Variants in SRRM3 observed in about 807,000 individuals in gnomAD.
SRRM3 encodes the protein serine/arginine repetitive matrix protein 3.
Under a neutral mutation model 66.2 loss-of-function variants are expected in SRRM3, and 27 were observed. That is an observed-to-expected ratio of 0.41 (90% CI 0.30 to 0.56). The LOEUF (loss-of-function observed/expected upper bound fraction) is 0.56. SRRM3 is among the 20% of genes least tolerant of loss of function. The pLI, the probability that SRRM3 is intolerant of heterozygous loss-of-function variation, is 0.32. For synonymous variants in SRRM3, 391 were observed against 414.9 expected (o/e 0.94, Z 0.70); for missense variants, 918 against 991.9 (o/e 0.93, Z 1.00).
In SRRM3 at chr7:76,282,887, G is replaced by A. The variant is rs574283394; in HGVS notation, c.1595+15G>A. On this transcript the variant is annotated intron_variant, in intron 13 of 14. Coordinates refer to ENST00000611745, the MANE Select transcript of SRRM3 (RefSeq NM_001110199.3). The stretch of plus-strand genomic sequence containing the variant: ...CCCCTCAGCCGGTGAGTGCCCGCCC[G>A]GACCGGGCCGACGGGGCGGGCGGCG... 3.0e-6 allele frequency: 4 copies of A among 1,339,326 alleles called. No individual in the cohort carries two copies. The highest frequency in any genetic ancestry group is 1.5e-5 in the African/African-American group (1 of 64,858). 83.0% of individuals were successfully genotyped at this position (1,339,326 alleles called of 1,614,324 possible).
Position 76,265,481 on chromosome 7 carries a change from C to T in SRRM3, c.830+13C>T, listed in dbSNP as rs1175092156. 1 of 1,588,612 alleles carries T rather than the reference C, an allele frequency of 6.3e-7. No homozygotes were observed. The highest frequency in any genetic ancestry group is 8.6e-7 in the Non-Finnish European group (1 of 1,165,002). On this transcript the variant is annotated intron_variant, in intron 10 of 14. Coordinates refer to ENST00000611745, the MANE Select transcript of SRRM3 (RefSeq NM_001110199.3). ...GATCTCCCAGCAGGTAGGCCTGGGC[C>T]TCTGGGAGGCTTTCTCCTGGTGGGG... is the stretch of plus-strand genomic sequence containing the variant.
At chr7:76,251,653 C>A (rs543202438) in intron 3 of SRRM3, among the ~76,000 whole-genome samples, 2 of 152,082 alleles carry the variant, frequency 1.3e-5, no homozygotes, top group East Asian at 3.9e-4. Context: ...GGATTACAGG[C>A]GTGAGCCACC....
At chr7:76,219,123 C>T (rs145358392) in intron 1 of SRRM3, among the ~76,000 whole-genome samples, 4 of 152,346 alleles carry the variant, frequency 2.6e-5, no homozygotes, top group African/African-American at 9.6e-5. Flanking sequence ...GTTGGGATTA[C>T]AGGCGTGAGC....
chr7:76,282,559 G>GC, intron 12 of SRRM3, 89 bp from the exon 13 acceptor site: 2 of 196,220 alleles, frequency 1.0e-5, no homozygotes, highest in South Asian at 9.4e-5. Context: ...CCGCCCCTCC[G>GC]CCCTAAGCCC....
At chr7:76,272,533 T>A (rs1373096237) in intron 11 of SRRM3, among the ~76,000 whole-genome samples, 3 of 152,008 alleles carry the variant, frequency 2.0e-5, no homozygotes, top group Non-Finnish European at 4.4e-5. Flanking sequence ...CTGTCTGTAG[T>A]CCCAGCTACT....
At chr7:76,226,413 T>A (rs1166050679) in intron 1 of SRRM3, among the ~76,000 whole-genome samples, 4 of 152,156 alleles carry the variant, frequency 2.6e-5, no homozygotes, top group African/African-American at 9.7e-5. Flanking sequence ...CATGACTTAA[T>A]CTACACATGG....
intron 4 of SRRM3, 21 bp from the exon 5 acceptor site, chr7:76,260,096 C>T: frequency 2.9e-6 from 4 of 1,387,816 alleles, no homozygotes; most frequent in Non-Finnish European, 1.9e-6. Flanking sequence ...ACCGCCCCCA[C>T]CCCCGCCCCT....
chr7:76,236,184 C>T (rs1170671807), intron 2 of SRRM3, among the ~76,000 whole-genome samples: 2 of 151,414 alleles, frequency 1.3e-5, no homozygotes, highest in East Asian at 3.9e-4. Flanking sequence ...GTGGCACATG[C>T]CTGTAATCCC....
chr7:76,281,476 G>C lies in SRRM3; in HGVS notation c.1044G>C (p.Lys348Asn). The C allele has an allele frequency of 8.1e-7, 1 of 1,230,388 alleles. No homozygotes were observed. Among genetic ancestry groups the C allele is most frequent in the Non-Finnish European group, 1.0e-6 (1 of 982,492 alleles). The allele number at this position is 1,230,388 out of a possible 1,614,324, so 76.2% of individuals were successfully genotyped here. The stretch of plus-strand genomic sequence containing the variant: ...CGCCCTCGCCCAGGGTCCGTGACAA[G>C]GCGGCGGCCGCCGCACCCACGCCGC... Reference protein sequence around the residue: ...PSSPSPRVRDKAAAAAPTPPA... With the variant: ...PSSPSPRVRDNAAAAAPTPPA... The change falls in exon 12 of 15, where the codon AAG (lysine) becomes AAC (asparagine). Residue 348 changes from lysine to asparagine, a missense_variant. Coordinates refer to ENST00000611745, the MANE Select transcript of SRRM3 (RefSeq NM_001110199.3).
At chr7:76,281,936 A>C (rs1583946132) in intron 12 of SRRM3, 134 bp downstream of exon 12, 1 of 540,122 alleles carries the variant, frequency 1.9e-6, no homozygotes, top group Non-Finnish European at 2.3e-6. Flanking sequence ...CCTCCCACCG[A>C]GCTACCCCCA....
At chr7:76,213,810 C>T (rs1800494340) in intron 1 of SRRM3, among the ~76,000 whole-genome samples, 1 of 151,996 alleles carries the variant, frequency 6.6e-6, no homozygotes, top group African/African-American at 2.4e-5. Context: ...TGCTCTGTCA[C>T]CCAAGCTGGA....
intron 11 of SRRM3, among the ~76,000 whole-genome samples, chr7:76,272,673 A>G (rs1428658472): frequency 6.6e-6 from 1 of 152,030 alleles, no homozygotes; most frequent in Non-Finnish European, 1.5e-5. Flanking sequence ...CCAAAAAACA[A>G]AAAACCCTAC....
intron 1 of SRRM3, among the ~76,000 whole-genome samples, chr7:76,213,642 T>G (rs1800490112): frequency 6.6e-6 from 1 of 152,126 alleles, no homozygotes; most frequent in Non-Finnish European, 1.5e-5. Flanking sequence ...TAGGATGGGC[T>G]GAAGGATGGG....
rs75364616 is a variant in SRRM3, at chr7:76,261,748, T to C, written c.674+167T>C. 5.4e-3 allele frequency among the ~76,000 whole-genome samples: 818 copies of C among 151,392 alleles called. 5 individuals are homozygous for C. The highest frequency in any genetic ancestry group is 9.6e-3 in the Non-Finnish European group (649 of 67,820). On this transcript the variant is annotated intron_variant, in intron 8 of 14. Transcript: ENST00000611745. ...GGGACAGGGCAGTGGAGAAGGAGCA[T>C]GAAAACCAACTGTTTGCAACCCTTG... is the stretch of plus-strand genomic sequence containing the variant.
At chr7:76,206,814 C>T (rs999203052) in intron 1 of SRRM3, among the ~76,000 whole-genome samples, 2 of 152,240 alleles carry the variant, frequency 1.3e-5, no homozygotes, top group Non-Finnish European at 2.9e-5. Flanking sequence ...GCCTCAGCCT[C>T]CTGCCGCCCC....
intron 11 of SRRM3, among the ~76,000 whole-genome samples, chr7:76,279,103 A>G (rs1255466418): frequency 6.6e-6 from 1 of 152,140 alleles, no homozygotes; most frequent in African/African-American, 2.4e-5. Context: ...TCCTAAAAAT[A>G]CAAAAATTAG....
At chr7:76,216,652 A>G (rs1800577742) in intron 1 of SRRM3, among the ~76,000 whole-genome samples, 1 of 152,222 alleles carries the variant, frequency 6.6e-6, no homozygotes, top group African/African-American at 2.4e-5. Flanking sequence ...CAGGCTCTCA[A>G]CATGGACAGG....
intron 1 of SRRM3, among the ~76,000 whole-genome samples, chr7:76,224,547 C>T (rs1333549599): frequency 6.6e-6 from 1 of 151,976 alleles, no homozygotes; most frequent in Non-Finnish European, 1.5e-5. Flanking sequence ...AGCCTGTTAC[C>T]GCAAGAAAGG....
At chr7:76,252,346 G>C (rs1041104836) in intron 3 of SRRM3, among the ~76,000 whole-genome samples, 4 of 152,194 alleles carry the variant, frequency 2.6e-5, no homozygotes, top group Non-Finnish European at 4.4e-5. Flanking sequence ...TTTTGAGACA[G>C]AGTCTCACTC....
Sources: gnomAD v4.1 joint callset for allele counts (sites outside exome capture counted in the v4.1 genomes callset) on GRCh38, gnomAD v4.1.1 for gene constraint, MANE v1.5 for transcripts, NCBI Gene and HGNC (gene_info 2026-07-23, HGNC 2026-07-21) for gene names.